Variants in CACNA1A observed in about 807,000 individuals in gnomAD.
CACNA1A encodes the protein voltage-dependent P/Q-type calcium channel subunit alpha-1A.
CACNA1A carries 57 observed loss-of-function variants against 262.4 expected under a neutral mutation model. The observed-to-expected ratio is 0.22, with a 90% confidence interval of 0.18 to 0.27. CACNA1A has a LOEUF of 0.27. Among genes scored for constraint, CACNA1A ranks in the 10% least tolerant of loss-of-function variants. The probability of loss-of-function intolerance (pLI) is 1.00; values close to 1 mark genes in which losing one functional copy is unlikely to be tolerated. For synonymous variants in CACNA1A, 1,431 were observed against 1,419.3 expected, an observed-to-expected ratio of 1.01 and a Z score of -0.18; for missense variants, 2,526 against 3,562.8, an observed-to-expected ratio of 0.71 and a Z score of 7.41.
chr19:13,453,430 C>A (rs1352386712), intron 2 of CACNA1A, among the ~76,000 whole-genome samples: 2 of 152,214 alleles, frequency 1.3e-5, no homozygotes, highest in African/African-American at 2.4e-5. Context: ...AGATGGAGAT[C>A]ATTTCTGTGA....
chr19:13,421,665 A>G (rs1179636531), intron 3 of CACNA1A, among the ~76,000 whole-genome samples: 1 of 152,176 alleles, frequency 6.6e-6, no homozygotes, highest in Non-Finnish European at 1.5e-5. Flanking sequence ...CACCATGGAA[A>G]GATGCAGTAG....
chr19:13,390,428 T>C (rs1271966578), intron 3 of CACNA1A, among the ~76,000 whole-genome samples: 1 of 152,200 alleles, frequency 6.6e-6, no homozygotes, highest in Non-Finnish European at 1.5e-5. Flanking sequence ...GTAGCCTTGA[T>C]CAACACTGTC....
intron 1 of CACNA1A, among the ~76,000 whole-genome samples, chr19:13,472,977 G>A (rs1327868049): frequency 2.6e-5 from 4 of 152,176 alleles, no homozygotes; most frequent in African/African-American, 7.2e-5. Context: ...AAGAGGCCAG[G>A]TGCAGTGGCT....
chr19:13,241,635 G>A lies in CACNA1A; in HGVS notation c.4950+3547C>T, dbSNP rs958663850. 3 of 671,230 alleles carry A rather than the reference G, an allele frequency of 4.5e-6. No homozygotes were observed. The highest frequency in any genetic ancestry group is 8.1e-6 in the Non-Finnish European group (3 of 370,478). The allele number at this position is 671,230 out of a possible 1,614,324, so 41.6% of individuals were successfully genotyped here. A position where few individuals can be genotyped will look rare whatever the true frequency, so the allele number is the denominator to read the frequency against. On this transcript the variant is annotated intron_variant, in intron 31 of 46. Coordinates refer to ENST00000360228, the MANE Select transcript of CACNA1A (RefSeq NM_001127222.2). This position sits in a 1 kb window ranked among gnomAD's most constrained non-coding sequence, Gnocchi z 4.0. ...GTAACCAGTGCCAAAAAACCAATGG[G>A]TTTCGGTTCCCGGGCGGGGAGTGGG...
chr19:13,504,799 C>T (rs896027346), intron 1 of CACNA1A, among the ~76,000 whole-genome samples: 4 of 152,024 alleles, frequency 2.6e-5, no homozygotes, highest in African/African-American at 4.8e-5. Flanking sequence ...CTAGAAAGCC[C>T]GACTAATTAC....
chr19:13,312,852 C>G, intron 11 of CACNA1A, 71 bp from the exon 12 acceptor site: 1 of 720,108 alleles, frequency 1.4e-6, no homozygotes, highest in Admixed American at 3.2e-5. Flanking sequence ...GTGGCTCTGA[C>G]TTTCCTTTTA....
At chr19:13,469,809 A>T (rs938495114) in intron 1 of CACNA1A, among the ~76,000 whole-genome samples, 1 of 151,514 alleles carries the variant, frequency 6.6e-6, no homozygotes, top group Non-Finnish European at 1.5e-5. Flanking sequence ...CCTTAAATGC[A>T]AACCAACGTC....
intron 1 of CACNA1A, among the ~76,000 whole-genome samples, chr19:13,499,333 AT>A (rs1174090331): frequency 6.6e-6 from 1 of 151,602 alleles, no homozygotes; most frequent in Non-Finnish European, 1.5e-5. Flanking sequence ...GTGGCCACGA[AT>A]TTTTTTTCCC....
chr19:13,264,629 G>A (rs1237398801), intron 24 of CACNA1A, among the ~76,000 whole-genome samples: 1 of 152,064 alleles, frequency 6.6e-6, no homozygotes, highest in East Asian at 1.9e-4. Flanking sequence ...TGCATATACT[G>A]TTCCCGCTGC....
Position 13,310,476 on chromosome 19 carries a change from AAAAAAAAAAAAAAAT to A in CACNA1A, c.1669-1963_1669-1949del, listed in dbSNP as rs1456133670. On this transcript the variant is annotated intron_variant, in intron 12 of 46. Coordinates refer to ENST00000360228, the MANE Select transcript of CACNA1A (RefSeq NM_001127222.2). ...TCTCAAAAAAAAAAAAAAAAAAAAA[AAAAAAAAAAAAAAAT>A]ATATATATATATATATATATATGTA... Among the ~76,000 whole-genome samples the A allele has an allele frequency of 1.7e-3, 83 of 48,628 alleles. 1 individual carries two copies. The highest frequency in any genetic ancestry group is 2.6e-3 in the Non-Finnish European group (74 of 28,636). The allele number at this position is 48,628 out of a possible 152,430, so 31.9% of individuals were successfully genotyped here.
chr19:13,337,942 G>A (rs61261429), intron 6 of CACNA1A, among the ~76,000 whole-genome samples: 29,381 of 152,128 alleles, frequency 0.19, 3,375 homozygotes, highest in East Asian at 0.35. Context: ...AAAACAGGCC[G>A]GGTGCGGTGG....
intron 22 of CACNA1A, among the ~76,000 whole-genome samples, chr19:13,280,829 T>C (rs1266826674): frequency 6.6e-6 from 1 of 150,652 alleles, no homozygotes; most frequent in East Asian, 2.0e-4. Flanking sequence ...TAGTCCCAGC[T>C]ACTCTGGAGG....
intron 24 of CACNA1A, among the ~76,000 whole-genome samples, chr19:13,267,760 T>C (rs549662946): frequency 6.6e-6 from 1 of 151,800 alleles, no homozygotes; most frequent in East Asian, 2.0e-4. Flanking sequence ...CTGGACAACA[T>C]AGGGAGACCC....
chr19:13,414,551 T>C (rs1336768472), intron 3 of CACNA1A, among the ~76,000 whole-genome samples: 1 of 152,116 alleles, frequency 6.6e-6, no homozygotes, highest in African/African-American at 2.4e-5. Context: ...AAGACCCTCA[T>C]GATCCCATGA....
chr19:13,414,843 G>A (rs59946993), intron 3 of CACNA1A, among the ~76,000 whole-genome samples: 5,544 of 152,120 alleles, frequency 0.036, 310 homozygotes, highest in African/African-American at 0.12. Context: ...TGTGCCTGTA[G>A]TCCCAGCTAT....
In CACNA1A at chr19:13,207,375, C is replaced by T. The variant is rs772225266; in HGVS notation, c.7459G>A (p.Gly2487Arg). Residue 2487 changes from glycine (G) to arginine (R), a missense_variant, in exon 47 of 47, where the codon GGG (glycine) becomes AGG (arginine). Physicochemically the swap from Gly to Arg is moderately radical, Grantham distance 125. Around this residue, in one of 17 missense-constraint regions of CACNA1A, gnomAD observed 929 missense variants for 868.1 expected, o/e 1.07. Transcript: ENST00000360228. This position sits in a 1 kb window ranked among gnomAD's most constrained non-coding sequence, Gnocchi z 5.7. ...TGCAGGCCCTTCCTGGAGCCCGGCC[C>T]GCGGGGCCTGGCCAGTCCGTGCGCC... ...YPAHGLARPR[G>R]PGSRKGLHEP... The T allele has an allele frequency of 7.1e-6, 11 of 1,548,196 alleles. No homozygotes were observed. The highest frequency in any genetic ancestry group is 1.9e-5 in the Admixed American group (1 of 53,184).
chr19:13,326,347 T>C (rs1341133981), intron 10 of CACNA1A, among the ~76,000 whole-genome samples: 1 of 151,888 alleles, frequency 6.6e-6, no homozygotes, highest in African/African-American at 2.4e-5. Flanking sequence ...AAAAAATTGA[T>C]ATCCTTTCAG....
intron 1 of CACNA1A, among the ~76,000 whole-genome samples, chr19:13,457,535 G>T (rs1233775097): frequency 6.6e-6 from 1 of 152,104 alleles, no homozygotes; most frequent in Admixed American, 6.5e-5. Context: ...CTCATAGAAT[G>T]GAATAGTATT....
intron 24 of CACNA1A, chr19:13,271,549 A>T (rs532925329): frequency 2.6e-5 from 4 of 152,192 alleles, no homozygotes; most frequent in Admixed American, 6.5e-5. Flanking sequence ...CTGGTGGAAA[A>T]GAATTTTTGG....
Sources: gnomAD v4.1 joint callset for allele counts (sites outside exome capture counted in the v4.1 genomes callset) on GRCh38, gnomAD v4.1.1 for gene constraint, gnomAD v4.1.1 regional missense constraint, Gnocchi (gnomAD v3.1) non-coding constraint, MANE v1.5 for transcripts, NCBI Gene and HGNC (gene_info 2026-07-23, HGNC 2026-07-21) for gene names.